The following TMEM132C variants were observed in gnomAD, a reference collection of about 807,000 sequenced individuals.
TMEM132C encodes protein phosphatase 1, regulatory subunit 152.
A neutral mutation model predicts 61.4 loss-of-function variants in TMEM132C; 29 were observed. That is an observed-to-expected ratio of 0.47 (90% CI 0.35 to 0.64). The LOEUF (loss-of-function observed/expected upper bound fraction) is 0.64. Ranked by LOEUF, TMEM132C falls within the 30% of genes least tolerant of loss-of-function variation. TMEM132C has a pLI of 0.00. For synonymous variants in TMEM132C, 656 were observed against 633.1 expected (o/e 1.04, Z -0.54); for missense variants, 1,408 against 1,476.9 (o/e 0.95, Z 0.76).
At chr12:128,271,644 C>T (rs1439656277) in intron 1 of TMEM132C, among the ~76,000 whole-genome samples, 2 of 152,206 alleles carry the variant, frequency 1.3e-5, no homozygotes, top group East Asian at 3.8e-4. Flanking sequence ...GTGTCCTCCT[C>T]TGGAGAATGT....
At chr12:128,369,309 T>C (rs1412056955) in intron 1 of TMEM132C, among the ~76,000 whole-genome samples, 1 of 152,232 alleles carries the variant, frequency 6.6e-6, no homozygotes, top group Non-Finnish European at 1.5e-5. Context: ...TACAATGTTT[T>C]TTTAGAAACT....
intron 5 of TMEM132C, among the ~76,000 whole-genome samples, chr12:128,689,194 G>A (rs1005617015): frequency 6.6e-6 from 1 of 151,994 alleles, no homozygotes; most frequent in African/African-American, 2.4e-5. Context: ...TTATGCAGTA[G>A]TAAGTGATAT....
intron 1 of TMEM132C, among the ~76,000 whole-genome samples, chr12:128,393,847 G>T (rs1874848889): frequency 6.6e-6 from 1 of 152,190 alleles, no homozygotes; most frequent in South Asian, 2.1e-4. Context: ...ACTCAGCCGT[G>T]CTCCTTTTAA....
At chr12:128,563,352 T>C (rs1464488951) in intron 3 of TMEM132C, among the ~76,000 whole-genome samples, 6 of 152,174 alleles carry the variant, frequency 3.9e-5, no homozygotes, top group Non-Finnish European at 8.8e-5. Flanking sequence ...AAGGAGGTCA[T>C]CTGGACAGCA....
intron 2 of TMEM132C, among the ~76,000 whole-genome samples, chr12:128,492,597 G>T (rs983612161): frequency 1.3e-5 from 2 of 152,136 alleles, no homozygotes; most frequent in Non-Finnish European, 2.9e-5. Flanking sequence ...TTCTCTGATG[G>T]CCAGTGATGA....
In TMEM132C at chr12:128,676,890, T is replaced by C. The variant is rs80345489; in HGVS notation, c.1449+7330T>C. Among the ~76,000 whole-genome samples, 19 of 152,336 alleles carry C rather than the reference T, an allele frequency of 1.2e-4. No homozygotes were observed. The East Asian group carries it at 3.7e-3, about 29-fold the overall frequency. On this transcript the variant is annotated intron_variant, in intron 5 of 8. Transcript: ENST00000435159. ...AAAGTATGATAAGGGCTGAGGAGTC[T>C]TGTCTGCGATGTGCAGGTTAATAGG... is the stretch of plus-strand genomic sequence containing the variant.
intron 1 of TMEM132C, among the ~76,000 whole-genome samples, chr12:128,341,327 A>G (rs1213111190): frequency 6.6e-6 from 1 of 152,224 alleles, no homozygotes; most frequent in Non-Finnish European, 1.5e-5. Flanking sequence ...ATTTTTACCA[A>G]TTGTTGGAAT....
At chr12:128,670,408 CT>C (rs1954520857) in intron 5 of TMEM132C, among the ~76,000 whole-genome samples, 1 of 152,126 alleles carries the variant, frequency 6.6e-6, no homozygotes, top group South Asian at 2.1e-4. Flanking sequence ...TATTTTGTAT[CT>C]TTTGACCAAT....
Position 128,706,009 on chromosome 12 carries a change from A to G in TMEM132C, c.3041A>G (p.Asn1014Ser), listed in dbSNP as rs1388149997. The G allele has an allele frequency of 1.9e-6, 3 of 1,551,666 alleles. No homozygotes were observed. Among genetic ancestry groups the G allele is most frequent in the East Asian group, 2.4e-5 (1 of 40,910 alleles). ...GAGGAGAGCAACCATCTCCTGCTCAATGGTGGCTCCCACAAGCACGTGCAG... is the reference window on the plus strand; with the variant it reads ...GAGGAGAGCAACCATCTCCTGCTCAGTGGTGGCTCCCACAAGCACGTGCAG... Reference protein sequence around the residue: ...ACEESNHLLLNGGSHKHVQSQ... With the variant: ...ACEESNHLLLSGGSHKHVQSQ... Residue 1014 changes from asparagine to serine, a missense_variant, in exon 9 of 9, where the codon AAT becomes AGT. Coordinates refer to ENST00000435159, the MANE Select transcript of TMEM132C (RefSeq NM_001136103.3).
chr12:128,594,012 C>T (rs1875854912), intron 3 of TMEM132C, among the ~76,000 whole-genome samples: 2 of 151,724 alleles, frequency 1.3e-5, no homozygotes, highest in Admixed American at 1.3e-4. Flanking sequence ...ATAAGACCTG[C>T]TCTCAATGCC....
At chr12:128,531,679 G>A (rs1024195341) in intron 2 of TMEM132C, among the ~76,000 whole-genome samples, 8 of 152,208 alleles carry the variant, frequency 5.3e-5, no homozygotes, top group Non-Finnish European at 1.0e-4. Flanking sequence ...CTTTTTTATG[G>A]CCTTGGAACC....
chr12:128,342,155 C>T (rs1872994822), intron 1 of TMEM132C, among the ~76,000 whole-genome samples: 1 of 152,062 alleles, frequency 6.6e-6, no homozygotes, highest in Non-Finnish European at 1.5e-5. Flanking sequence ...ACTACAGGTG[C>T]ACAACACCAC....
intron 2 of TMEM132C, among the ~76,000 whole-genome samples, chr12:128,466,915 T>A (rs1381910287): frequency 6.6e-6 from 1 of 152,150 alleles, no homozygotes; most frequent in African/African-American, 2.4e-5. Flanking sequence ...AAGCTGCAAA[T>A]GTGCTGAGGG....
intron 1 of TMEM132C, among the ~76,000 whole-genome samples, chr12:128,339,845 C>G (rs1872900224): frequency 6.6e-6 from 1 of 152,196 alleles, no homozygotes; most frequent in Non-Finnish European, 1.5e-5. Context: ...TCCGGGATAT[C>G]AACCAGGGGC....
At chr12:128,454,640 C>G (rs1870284833) in intron 2 of TMEM132C, among the ~76,000 whole-genome samples, 1 of 152,182 alleles carries the variant, frequency 6.6e-6, no homozygotes, top group Non-Finnish European at 1.5e-5. Flanking sequence ...TGGATAGGAC[C>G]TCCAGGATGG....
At chr12:128,492,032 G>A (rs1252142136) in intron 2 of TMEM132C, among the ~76,000 whole-genome samples, 4 of 152,078 alleles carry the variant, frequency 2.6e-5, no homozygotes, top group South Asian at 2.1e-4. Context: ...CCCGGTGTGT[G>A]ATGTTCCCCT....
chr12:128,531,972 C>T (rs1005909567), intron 2 of TMEM132C, among the ~76,000 whole-genome samples: 6 of 152,146 alleles, frequency 3.9e-5, no homozygotes, highest in South Asian at 2.1e-4. Context: ...AACACAAGAA[C>T]GGTAATTTTC....
chr12:128,545,122 C>T (rs1873902627), intron 3 of TMEM132C, among the ~76,000 whole-genome samples: 1 of 152,144 alleles, frequency 6.6e-6, no homozygotes, highest in Admixed American at 6.5e-5. Flanking sequence ...TTATTCCCTC[C>T]CTCTCCCCGG....
chr12:128,559,708 C>T (rs1296406310), intron 3 of TMEM132C, among the ~76,000 whole-genome samples: 1 of 152,156 alleles, frequency 6.6e-6, no homozygotes, highest in Non-Finnish European at 1.5e-5. Context: ...GATTTTGTGC[C>T]AGAGCCAGCC....
Sources: gnomAD v4.1 joint callset for allele counts (sites outside exome capture counted in the v4.1 genomes callset) on GRCh38, gnomAD v4.1.1 for gene constraint, MANE v1.5 for transcripts, NCBI Gene and HGNC (gene_info 2026-07-23, HGNC 2026-07-21) for gene names.